Variants in TRAK1 observed in about 807,000 individuals in gnomAD.
TRAK1 encodes the protein trafficking kinesin-binding protein 1.
In TRAK1, 33 loss-of-function variants were observed where a neutral mutation model predicts 92.1. The ratio of observed to expected loss-of-function variants is 0.36; its 90% CI spans 0.27 to 0.48. TRAK1 has a LOEUF of 0.48. TRAK1 is among the 20% of genes least tolerant of loss of function. TRAK1 has a pLI of 0.99. For synonymous variants in TRAK1, 521 were observed against 517.3 expected, an observed-to-expected ratio of 1.01 and a Z score of -0.10; for missense variants, 1,123 against 1,257.9, an observed-to-expected ratio of 0.89 and a Z score of 1.62.
chr3:42,178,122 G>A (rs960873182), intron 3 of TRAK1, among the ~76,000 whole-genome samples: 2 of 149,002 alleles, frequency 1.3e-5, no homozygotes, highest in East Asian at 1.9e-4. Flanking sequence ...TCCGGCACCC[G>A]CTCATCACCC....
chr3:42,145,385 C>G (rs1299260394), intron 2 of TRAK1, among the ~76,000 whole-genome samples: 1 of 151,892 alleles, frequency 6.6e-6, no homozygotes, highest in Non-Finnish European at 1.5e-5. Context: ...ACTTGGGAGG[C>G]CGAGGCATGA....
chr3:42,170,587 A>G (rs1275566549), intron 2 of TRAK1, among the ~76,000 whole-genome samples: 1 of 152,330 alleles, frequency 6.6e-6, no homozygotes, highest in Middle Eastern at 3.4e-3. Context: ...ATACGTGTCT[A>G]CTTTGAATGT....
chr3:42,027,391 C>T (rs535282552), intron 1 of TRAK1, among the ~76,000 whole-genome samples: 3 of 152,038 alleles, frequency 2.0e-5, no homozygotes, highest in South Asian at 2.1e-4. Context: ...GGTGTGGTGG[C>T]GGGCACCTAT....
chr3:42,047,348 AC>A (rs1289464667), intron 1 of TRAK1, among the ~76,000 whole-genome samples: 9 of 149,376 alleles, frequency 6.0e-5, no homozygotes, highest in South Asian at 4.2e-4. Flanking sequence ...GGTACACACC[AC>A]TGTGCCCGGG....
At chr3:42,063,317 G>A (rs753191309) in intron 1 of TRAK1, among the ~76,000 whole-genome samples, 4 of 152,240 alleles carry the variant, frequency 2.6e-5, no homozygotes, top group Non-Finnish European at 4.4e-5. Flanking sequence ...AGGAGCATCC[G>A]GGTTTTGTCT....
intron 1 of TRAK1, among the ~76,000 whole-genome samples, chr3:42,027,485 T>G (rs953302639): frequency 1.3e-5 from 2 of 151,288 alleles, no homozygotes; most frequent in Non-Finnish European, 2.9e-5. Context: ...ATCACGCCAC[T>G]GCCCTCTAGC....
chr3:42,133,234 G>C (rs1158991573), intron 2 of TRAK1, among the ~76,000 whole-genome samples: 2 of 152,100 alleles, frequency 1.3e-5, no homozygotes, highest in African/African-American at 4.8e-5. Flanking sequence ...CTGGCTCTTG[G>C]CTCTATCCAG....
In TRAK1 at chr3:42,059,906, ATATACT is replaced by A. The variant is rs1210260814; in HGVS notation, c.-518-27195_-518-27190del. The stretch of plus-strand genomic sequence containing the variant: ...GGAATGAGTGAGATTATATAAAGTA[ATATACT>A]TAGTGTGGACAATGATACAATAAAG... On this transcript the variant is annotated intron_variant, in intron 1 of 16. Transcript: ENST00000487159. Among the ~76,000 whole-genome samples the A allele has an allele frequency of 1.1e-4, 17 of 152,054 alleles. No homozygotes were observed. The South Asian group carries it at 1.2e-3, about 11-fold the overall frequency.
intron 1 of TRAK1, among the ~76,000 whole-genome samples, chr3:42,094,462 G>A (rs1410933998): frequency 6.6e-6 from 1 of 152,002 alleles, no homozygotes; most frequent in Non-Finnish European, 1.5e-5. Flanking sequence ...TTGCAATCTT[G>A]AACTCCTGGG....
At chr3:42,091,281 G>C, upstream of TRAK1, 1 of 565,914 alleles carries the variant, frequency 1.8e-6, no homozygotes, top group Non-Finnish European at 3.1e-6. Flanking sequence ...GGGTTCCCAG[G>C]CTGCCTGGAG....
intron 14 of TRAK1, among the ~76,000 whole-genome samples, chr3:42,215,501 G>GGTGTGT (rs3836497): frequency 6.6e-6 from 1 of 150,986 alleles, no homozygotes; most frequent in African/African-American, 2.4e-5. Flanking sequence ...CCACTGTTGG[G>GGTGTGT]GTGTGTGTGT....
chr3:42,026,862 C>A (rs937005221), intron 1 of TRAK1, among the ~76,000 whole-genome samples: 5 of 151,906 alleles, frequency 3.3e-5, no homozygotes, highest in Admixed American at 1.3e-4. Flanking sequence ...CATGTGTAGA[C>A]CCTCCTTCTC....
At chr3:42,217,528 A>C in intron 14 of TRAK1, 1 of 985,382 alleles carries the variant, frequency 1.0e-6, no homozygotes, top group South Asian at 4.7e-5. Flanking sequence ...CCCTATTGCA[A>C]TTGAAGATCC....
At chr3:42,219,994 CTATT>C (rs1315264895) in intron 15 of TRAK1, among the ~76,000 whole-genome samples, 1 of 151,856 alleles carries the variant, frequency 6.6e-6, no homozygotes, top group Non-Finnish European at 1.5e-5. Flanking sequence ...TTTTAGTTGG[CTATT>C]TAGTTAGAAA....
intron 1 of TRAK1, among the ~76,000 whole-genome samples, chr3:42,036,703 C>T (rs1358529656): frequency 6.6e-6 from 1 of 152,208 alleles, no homozygotes; most frequent in Non-Finnish European, 1.5e-5. Context: ...AGGCTTGACT[C>T]TGTAACAGCC....
chr3:42,033,731 T>G (rs986169501), intron 1 of TRAK1, among the ~76,000 whole-genome samples: 3 of 152,242 alleles, frequency 2.0e-5, no homozygotes, highest in African/African-American at 4.8e-5. Context: ...TTGCTCTTGC[T>G]TGTTGACAGC....
At chr3:42,052,377 G>A (rs1370822144) in intron 1 of TRAK1, among the ~76,000 whole-genome samples, 1 of 152,200 alleles carries the variant, frequency 6.6e-6, no homozygotes, top group African/African-American at 2.4e-5. Flanking sequence ...AGATTCTGAT[G>A]CTCTTTACTG....
At chr3:42,086,412 T>A (rs2148957071), upstream of TRAK1, among the ~76,000 whole-genome samples, 1 of 151,458 alleles carries the variant, frequency 6.6e-6, no homozygotes, top group East Asian at 1.9e-4. Flanking sequence ...TTCAAGCAAT[T>A]CTCCTGCCTC....
At chr3:42,134,133 G>A (rs1215479115) in intron 2 of TRAK1, among the ~76,000 whole-genome samples, 2 of 151,856 alleles carry the variant, frequency 1.3e-5, no homozygotes, top group East Asian at 3.9e-4. Flanking sequence ...AGTATCAGCA[G>A]GCTGTGGGCC....
Sources: gnomAD v4.1 joint callset for allele counts (sites outside exome capture counted in the v4.1 genomes callset) on GRCh38, gnomAD v4.1.1 for gene constraint, MANE v1.5 for transcripts, NCBI Gene and HGNC (gene_info 2026-07-23, HGNC 2026-07-21) for gene names.